The following GAD1 variants were observed in gnomAD, a reference collection of about 807,000 sequenced individuals.
GAD1 encodes the protein glutamate decarboxylase 1.
Under a neutral mutation model 75.2 loss-of-function variants are expected in GAD1, and 35 were observed. That is an observed-to-expected ratio of 0.47 (90% CI 0.36 to 0.62). The LOEUF (loss-of-function observed/expected upper bound fraction) is 0.62. GAD1 is among the 20% of genes least tolerant of loss of function. The pLI, the probability that GAD1 is intolerant of heterozygous loss-of-function variation, is 0.00. For synonymous variants in GAD1, 257 were observed against 271.9 expected, an observed-to-expected ratio of 0.95 and a Z score of 0.54; for missense variants, 490 against 758.5, an observed-to-expected ratio of 0.65 and a Z score of 4.16.
rs1156270030 is a variant in GAD1 at position 170,818,375 on chromosome 2, C to T, written c.-63-154C>T. 4 of 600,186 alleles carry T rather than the reference C, an allele frequency of 6.7e-6. No homozygotes were observed. Among genetic ancestry groups the T allele is most frequent in the Non-Finnish European group, 1.2e-5 (4 of 333,428 alleles). The allele number at this position is 600,186 out of a possible 1,614,324, so 37.2% of individuals were successfully genotyped here. A position where few individuals can be genotyped will look rare whatever the true frequency, so the allele number is the denominator to read the frequency against. On this transcript the variant is annotated intron_variant, in intron 1 of 16. Transcript: ENST00000358196. This position sits in a 1 kb window ranked among gnomAD's most constrained non-coding sequence, Gnocchi z 5.9. ...GTCTCCTCCGCTGCCCCCACCCCTG[C>T]GCACCCCTACCAGGCAGGCTCGCTG...
chr2:170,843,054 G>C (rs1375521982), intron 6 of GAD1, among the ~76,000 whole-genome samples: 1 of 152,186 alleles, frequency 6.6e-6, no homozygotes, highest in South Asian at 2.1e-4. Context: ...CCAGCCTACA[G>C]ACTCTAATGC....
intron 3 of GAD1, 64 bp from the exon 4 acceptor site, chr2:170,829,410 TG>T: frequency 6.4e-7 from 1 of 1,563,106 alleles, no homozygotes; most frequent in Non-Finnish European, 8.8e-7. Flanking sequence ...TGATTCACTC[TG>T]CAGCTGACCC....
intron 2 of GAD1, chr2:170,821,823 G>A (rs1241751657): frequency 1.4e-5 from 7 of 511,656 alleles, no homozygotes; most frequent in Non-Finnish European, 2.5e-5. Context: ...GGTCGCTTAC[G>A]GGCCCGGAGG....
In GAD1 at chr2:170,860,239, C is replaced by T; in HGVS notation, c.*357C>T. 1 of 215,638 alleles carries T rather than the reference C, an allele frequency of 4.6e-6. No homozygotes were observed. The highest frequency in any genetic ancestry group is 9.4e-6 in the Non-Finnish European group (1 of 106,008). 13.4% of individuals were successfully genotyped at this position (215,638 alleles called of 1,614,324 possible). A position where few individuals can be genotyped will look rare whatever the true frequency, so the allele number is the denominator to read the frequency against. On this transcript the variant is annotated 3_prime_UTR_variant, in exon 17 of 17. Transcript: ENST00000358196. ...AGGAGCTAAACATGCTGCCAACCAGCTTGTCCAACAACTCCAGGAAAACTG... is the reference window on the plus strand; with the variant it reads ...AGGAGCTAAACATGCTGCCAACCAGTTTGTCCAACAACTCCAGGAAAACTG...
intron 6 of GAD1, among the ~76,000 whole-genome samples, chr2:170,841,880 T>C (rs1355405800): frequency 6.6e-6 from 1 of 152,256 alleles, no homozygotes; most frequent in Non-Finnish European, 1.5e-5. Context: ...AGAATCATCC[T>C]AGTAGGTTTC....
chr2:170,815,821 A>G (rs1483764953), upstream of GAD1, among the ~76,000 whole-genome samples: 1 of 152,260 alleles, frequency 6.6e-6, no homozygotes, highest in Non-Finnish European at 1.5e-5. Flanking sequence ...CCGTCTGGCC[A>G]GCAGCTCCAG....
rs1003913407 is a variant in GAD1 at position 170,850,708 on chromosome 2, C to T, written c.1184+1358C>T. Among the ~76,000 whole-genome samples, 4 of 152,236 alleles carry T rather than the reference C, an allele frequency of 2.6e-5. No individual in the cohort carries two copies. In the East Asian group the frequency reaches 5.8e-4, roughly 22 times the overall value. ...ACCGGCTCTGTGAAGTGGACAACCCCGTAACTCGGAGGATAATGTAAAAAA... is the reference window on the plus strand; with the variant it reads ...ACCGGCTCTGTGAAGTGGACAACCCTGTAACTCGGAGGATAATGTAAAAAA... On this transcript the variant is annotated intron_variant, in intron 12 of 16. Coordinates refer to ENST00000358196, the MANE Select transcript of GAD1 (RefSeq NM_000817.3).
intron 6 of GAD1, among the ~76,000 whole-genome samples, chr2:170,842,142 C>G (rs774789702): frequency 2.6e-5 from 4 of 152,172 alleles, no homozygotes; most frequent in Admixed American, 1.3e-4. Flanking sequence ...GAGGCTAATT[C>G]ATGCAAACCT....
chr2:170,841,861 C>A (rs1019887834), intron 6 of GAD1, among the ~76,000 whole-genome samples: 1 of 152,188 alleles, frequency 6.6e-6, no homozygotes, highest in Non-Finnish European at 1.5e-5. Context: ...AGGCCAAGAA[C>A]CAGATGCTAG....
chr2:170,860,365 A>T lies in GAD1; in HGVS notation c.*483A>T, dbSNP rs373240653. 6 of 166,772 alleles carry T rather than the reference A, an allele frequency of 3.6e-5. 1 individual carries two copies. Among genetic ancestry groups the T allele is most frequent in the African/African-American group, 1.4e-4 (6 of 41,756 alleles). The allele number at this position is 166,772 out of a possible 1,614,324, so 10.3% of individuals were successfully genotyped here. A position where few individuals can be genotyped will look rare whatever the true frequency, so the allele number is the denominator to read the frequency against. The stretch of plus-strand genomic sequence containing the variant: ...CACCTGAAGTGATGATGGATGAGAA[A>T]AAACACCACCAAATGACAAGTCACA... On this transcript the variant is annotated 3_prime_UTR_variant, in exon 17 of 17. Coordinates refer to ENST00000358196, the MANE Select transcript of GAD1 (RefSeq NM_000817.3).
At chr2:170,849,586 C>G (rs543009077) in intron 12 of GAD1, among the ~76,000 whole-genome samples, 1 of 152,208 alleles carries the variant, frequency 6.6e-6, no homozygotes, top group African/African-American at 2.4e-5. Flanking sequence ...TGGTGGCTCA[C>G]GCCTCTAATC....
At chr2:170,828,714 T>TCTCCCTCTGCTGTCCTCACCCTC (rs1702125104) in intron 3 of GAD1, among the ~76,000 whole-genome samples, 1 of 60,608 alleles carries the variant, frequency 1.6e-5, no homozygotes, top group African/African-American at 6.6e-5. Flanking sequence ...TCCACACCCT[T>TCTCCCTCTGCTGTCCTCACCCTC]CTCCCTCTGC....
At chr2:170,855,210 T>TTC (rs1702825810) in intron 14 of GAD1, among the ~76,000 whole-genome samples, 1 of 119,464 alleles carries the variant, frequency 8.4e-6, no homozygotes, top group Admixed American at 9.8e-5. Context: ...TCATTTTGTC[T>TTC]TTTTTTTTTT....
Position 170,853,961 on chromosome 2 carries a change from A to G in GAD1, c.1352A>G (p.Lys451Arg). The G allele has an allele frequency of 6.2e-7, 1 of 1,614,146 alleles. No homozygotes were observed. Among genetic ancestry groups the G allele is most frequent in the Non-Finnish European group, 8.5e-7 (1 of 1,180,030 alleles). ...QYDVSYDTGDKAIQCGRHVDI... is the reference protein window; with the variant it reads ...QYDVSYDTGDRAIQCGRHVDI... Reference sequence around the variant, plus strand: ...GATGTCTCCTACGACACCGGGGACAAGGCAATTCAGTGTGGCCGCCACGTG... The same window carrying G: ...GATGTCTCCTACGACACCGGGGACAGGGCAATTCAGTGTGGCCGCCACGTG... The change falls in exon 14 of 17, where the codon AAG becomes AGG. Residue 451 changes from lysine (K) to arginine (R), a missense_variant. Physicochemically the swap from Lys to Arg is conservative, Grantham distance 26. This residue lies in a region of GAD1 where 324 missense variants were observed against 523.9 expected (regional missense o/e 0.62). Transcript: ENST00000358196. This position sits in a 1 kb window ranked among gnomAD's most constrained non-coding sequence, Gnocchi z 4.1.
At chr2:170,836,763 T>C in intron 5 of GAD1, 30 bp from the exon 6 acceptor site, 1 of 1,535,150 alleles carries the variant, frequency 6.5e-7, no homozygotes, top group Non-Finnish European at 9.0e-7. Flanking sequence ...AATCTGCATT[T>C]GCCTTGATGC....
intron 3 of GAD1, among the ~76,000 whole-genome samples, chr2:170,828,315 CACCCTCTTCCCTCT>C: frequency 1.5e-5 from 2 of 135,800 alleles, no homozygotes; most frequent in East Asian, 2.4e-4. Flanking sequence ...CTGCTGTCCT[CACCCTCTTCCCTCT>C]GCTGTCATCT....
chr2:170,847,065 T>G (rs1309401993), intron 10 of GAD1, among the ~76,000 whole-genome samples: 1 of 152,206 alleles, frequency 6.6e-6, no homozygotes, highest in Non-Finnish European at 1.5e-5. Flanking sequence ...TCTATTACTC[T>G]ACTCCTTCGT....
intron 4 of GAD1, among the ~76,000 whole-genome samples, chr2:170,830,068 T>C (rs908064736): frequency 6.6e-6 from 1 of 152,188 alleles, no homozygotes; most frequent in Non-Finnish European, 1.5e-5. Context: ...CTTTCAGAGA[T>C]GTTTTACTAA....
intron 6 of GAD1, chr2:170,842,899 C>T: frequency 1.7e-6 from 1 of 572,522 alleles, no homozygotes; most frequent in Non-Finnish European, 2.9e-6. Flanking sequence ...TTACAAATAG[C>T]TTTGCCTTAC....
Sources: allele counts gnomAD v4.1 joint callset (sites outside exome capture counted in the v4.1 genomes callset), GRCh38; gene constraint gnomAD v4.1.1; regional missense constraint gnomAD v4.1.1; non-coding constraint Gnocchi (gnomAD v3.1); transcripts MANE v1.5; gene names NCBI Gene and HGNC (gene_info 2026-07-23, HGNC 2026-07-21).